The following MAGI2 variants were observed in gnomAD, a reference collection of about 807,000 sequenced individuals.
MAGI2 encodes membrane-associated guanylate kinase, WW and PDZ domain-containing protein 2.
A neutral mutation model predicts 133.3 loss-of-function variants in MAGI2; 35 were observed. That is an observed-to-expected ratio of 0.26 (90% CI 0.20 to 0.35). The LOEUF (loss-of-function observed/expected upper bound fraction) is 0.35. MAGI2 is among the 10% of genes least tolerant of loss of function. The pLI, the probability that MAGI2 is intolerant of heterozygous loss-of-function variation, is 1.00. For missense variants in MAGI2, 1,636 were observed against 1,863.4 expected (o/e 0.88, Z 2.25); for synonymous variants, 729 against 710.6 (o/e 1.03, Z -0.41).
chr7:78,838,987 T>C (rs1791895420), intron 2 of MAGI2, among the ~76,000 whole-genome samples: 1 of 152,068 alleles, frequency 6.6e-6, no homozygotes, highest in Non-Finnish European at 1.5e-5. Flanking sequence ...TGCATATGTT[T>C]GAAAGTCATC....
chr7:79,226,331 AG>A (rs1232074165), intron 1 of MAGI2, among the ~76,000 whole-genome samples: 5 of 152,118 alleles, frequency 3.3e-5, no homozygotes, highest in Non-Finnish European at 7.4e-5. Flanking sequence ...TCTGGGGATG[AG>A]AGTTACCGAA....
intron 1 of MAGI2, among the ~76,000 whole-genome samples, chr7:79,033,193 T>A (rs1810773544): frequency 1.3e-5 from 2 of 152,318 alleles, no homozygotes. Context: ...CTCCTCCATG[T>A]ATTATCTATA....
At chr7:78,102,512 A>G (rs1818293503) in intron 20 of MAGI2, among the ~76,000 whole-genome samples, 1 of 152,204 alleles carries the variant, frequency 6.6e-6, no homozygotes, top group African/African-American at 2.4e-5. Flanking sequence ...ATAAAGCTGG[A>G]AAACATTTAA....
chr7:78,641,067 CT>C (rs1338463492), intron 2 of MAGI2, among the ~76,000 whole-genome samples: 1 of 152,148 alleles, frequency 6.6e-6, no homozygotes, highest in African/African-American at 2.4e-5. Flanking sequence ...ACTCATTATT[CT>C]CCTTGCTGCC....
intron 1 of MAGI2, among the ~76,000 whole-genome samples, chr7:79,137,273 AAACACT>A (rs1821668459): frequency 6.6e-6 from 1 of 152,036 alleles, no homozygotes; most frequent in South Asian, 2.1e-4. Context: ...GCTAACATAT[AAACACT>A]AACAATTTTC....
At chr7:79,292,770 CAAAAAAAAAAAAA>C (rs199933554) in intron 1 of MAGI2, among the ~76,000 whole-genome samples, 12,397 of 58,176 alleles carry the variant, frequency 0.21, 1,011 homozygotes, top group East Asian at 0.51. Context: ...TCAATTTCTG[CAAAAAAAAAAAAA>C]AAAAAAAAAA....
intron 1 of MAGI2, among the ~76,000 whole-genome samples, chr7:79,266,290 G>T (rs1364289390): frequency 2.3e-5 from 3 of 130,148 alleles, no homozygotes; most frequent in Non-Finnish European, 4.6e-5. Context: ...GTTCAGAAAA[G>T]TCTTCATATA....
intron 6 of MAGI2, among the ~76,000 whole-genome samples, chr7:78,466,222 T>TGCTCAGCCCCTACTTTGTGCTCCCTTTCC (rs1330778209): frequency 6.6e-6 from 1 of 152,218 alleles, no homozygotes; most frequent in African/African-American, 2.4e-5. Context: ...ATCTGCTATT[T>TGCTCAGCCCCTACTTTGTGCTCCCTTTCC]GCTCAGCCCC....
chr7:79,117,648 T>C (rs1819524163), intron 1 of MAGI2, among the ~76,000 whole-genome samples: 1 of 152,184 alleles, frequency 6.6e-6, no homozygotes, highest in African/African-American at 2.4e-5. Context: ...TATGCAGAAA[T>C]TATTACTACA....
chr7:78,618,009 T>C (rs919092915), intron 3 of MAGI2: 1 of 151,994 alleles, frequency 6.6e-6, no homozygotes, highest in African/African-American at 2.4e-5. Flanking sequence ...TAAATTCAAA[T>C]ACAAAAATGA....
At chr7:78,992,903 A>G (rs1805925197) in intron 2 of MAGI2, among the ~76,000 whole-genome samples, 1 of 152,068 alleles carries the variant, frequency 6.6e-6, no homozygotes, top group Admixed American at 6.6e-5. Flanking sequence ...CAAATAATAT[A>G]TTCAACTTCT....
intron 2 of MAGI2, among the ~76,000 whole-genome samples, chr7:78,680,457 G>T (rs1165130492): frequency 2.0e-5 from 3 of 152,086 alleles, no homozygotes; most frequent in Non-Finnish European, 2.9e-5. Context: ...GGGAAGTAAG[G>T]AGCAATAAAA....
chr7:79,214,442 T>TATATATATATATAA (rs1374232866), intron 1 of MAGI2, among the ~76,000 whole-genome samples: 18 of 110,626 alleles, frequency 1.6e-4, no homozygotes, highest in Non-Finnish European at 2.6e-4. Context: ...TATATATATA[T>TATATATATATATAA]AAATATGCAC....
intron 1 of MAGI2, among the ~76,000 whole-genome samples, chr7:79,168,749 A>T (rs1364003650): frequency 1.3e-5 from 2 of 151,834 alleles, no homozygotes; most frequent in Non-Finnish European, 2.9e-5. Flanking sequence ...CTTTGGAGAC[A>T]ATTTCTTCAT....
intron 2 of MAGI2, among the ~76,000 whole-genome samples, chr7:78,746,682 C>T (rs1822955223): frequency 6.6e-6 from 1 of 152,198 alleles, no homozygotes; most frequent in African/African-American, 2.4e-5. Context: ...TTCCATGCCA[C>T]TAGCACCTCA....
At chr7:78,754,867 CA>C (rs1473393775) in intron 2 of MAGI2, among the ~76,000 whole-genome samples, 1 of 152,196 alleles carries the variant, frequency 6.6e-6, no homozygotes, top group African/African-American at 2.4e-5. Context: ...AGAATGAAGG[CA>C]AATATCCTGA....
intron 1 of MAGI2, among the ~76,000 whole-genome samples, chr7:79,242,116 T>C (rs973454224): frequency 1.1e-4 from 16 of 152,182 alleles, no homozygotes; most frequent in Non-Finnish European, 2.9e-5. Context: ...AAGAGATCTA[T>C]TGTACATTAT....
intron 3 of MAGI2, among the ~76,000 whole-genome samples, chr7:78,626,160 G>T (rs751672601): frequency 6.6e-6 from 1 of 152,044 alleles, no homozygotes; most frequent in Admixed American, 6.6e-5. Flanking sequence ...ATTAGTTGCA[G>T]GTTAATAAAA....
rs756847677 is a variant in MAGI2 at position 78,840,420 on chromosome 7, C to T, written c.418+166670G>A. Reference sequence around the variant, plus strand: ...CTTGTTAAAACACAGATTCCTAGAGCCCAGCCTCAGACTGTAACTTCATAA... The same window carrying T: ...CTTGTTAAAACACAGATTCCTAGAGTCCAGCCTCAGACTGTAACTTCATAA... On this transcript the variant is annotated intron_variant, in intron 2 of 21. Coordinates refer to ENST00000354212, the MANE Select transcript of MAGI2 (RefSeq NM_012301.4). Among the ~76,000 whole-genome samples the T allele has an allele frequency of 3.7e-4, 56 of 151,988 alleles. 1 individual carries two copies. The highest frequency in any genetic ancestry group is 2.5e-4 in the Non-Finnish European group (17 of 67,950).
Sources: gnomAD v4.1 joint callset for allele counts (sites outside exome capture counted in the v4.1 genomes callset) on GRCh38, gnomAD v4.1.1 for gene constraint, MANE v1.5 for transcripts, NCBI Gene and HGNC (gene_info 2026-07-23, HGNC 2026-07-21) for gene names.